PDE4D: variants seen among roughly 807,000 people sequenced by gnomAD.
PDE4D encodes the protein phosphodiesterase 4D.
PDE4D carries 24 observed loss-of-function variants against 87.4 expected under a neutral mutation model. The observed-to-expected ratio is 0.27, with a 90% CI of 0.20 to 0.39. PDE4D has a LOEUF of 0.39. PDE4D is among the 10% of genes least tolerant of loss of function. PDE4D has a pLI of 1.00. For missense variants in PDE4D, 714 were observed against 1,041.0 expected, an observed-to-expected ratio of 0.69 and a Z score of 4.32; for synonymous variants, 384 against 383.2, an observed-to-expected ratio of 1.00 and a Z score of -0.02.
At chr5:59,232,524 AAT>A (rs1491085142) in intron 1 of PDE4D, among the ~76,000 whole-genome samples, 1 of 151,684 alleles carries the variant, frequency 6.6e-6, no homozygotes, top group Non-Finnish European at 1.5e-5. Context: ...AAAAAAAAAA[AAT>A]AGATGCTGGT....
At chr5:60,450,345 C>A (rs1746002064) in intron 1 of PDE4D, among the ~76,000 whole-genome samples, 1 of 151,844 alleles carries the variant, frequency 6.6e-6, no homozygotes, top group Non-Finnish European at 1.5e-5. Context: ...GTGGTTTTGC[C>A]CCAATCTGAC....
chr5:59,735,103 G>T (rs755178434), intron 1 of PDE4D, among the ~76,000 whole-genome samples: 87 of 152,176 alleles, frequency 5.7e-4, no homozygotes, highest in Non-Finnish European at 9.4e-4. Flanking sequence ...CTTCAGTTGG[G>T]CCTGTCTCCT....
At chr5:60,428,157 A>G (rs981000875) in intron 1 of PDE4D, among the ~76,000 whole-genome samples, 1 of 152,234 alleles carries the variant, frequency 6.6e-6, no homozygotes. Flanking sequence ...TCAAATGTTA[A>G]GTGTGAAATG....
At chr5:59,132,240 T>C (rs1030848365) in intron 5 of PDE4D, among the ~76,000 whole-genome samples, 1 of 152,230 alleles carries the variant, frequency 6.6e-6, no homozygotes. Context: ...AATTAACTTT[T>C]CTTTGCACAT....
Position 59,398,556 on chromosome 5 carries a change from A to C in PDE4D, c.456-182588T>G, listed in dbSNP as rs1789949850. On this transcript the variant is annotated intron_variant, in intron 1 of 14. Coordinates refer to ENST00000340635, the MANE Select transcript of PDE4D (RefSeq NM_001104631.2). ...CCCTACATGCTAAAAACTCTCAATA[A>C]ATTAGGTATTGATGGGACATATTTC... Among the ~76,000 whole-genome samples, 3 of 120,044 alleles carry C rather than the reference A, an allele frequency of 2.5e-5. 1 individual carries two copies. The allele number at this position is 120,044 out of a possible 152,430, so 78.8% of individuals were successfully genotyped here.
At position 58,971,450 on chromosome 5, in the gene PDE4D, A is replaced by T. The variant is rs188938118; in HGVS notation, c.*3214T>A. ...ACAGATAATTTACAATTAACATTAC[A>T]GTATGTACATTGCAATAAATACATG... On this transcript the variant is annotated 3_prime_UTR_variant, in exon 15 of 15. Coordinates refer to ENST00000340635, the MANE Select transcript of PDE4D (RefSeq NM_001104631.2). 459 of 152,722 alleles carry T rather than the reference A, an allele frequency of 3.0e-3. 2 individuals are homozygous for T. The highest frequency in any genetic ancestry group is 0.017 in the South Asian group (83 of 4,814). 9.5% of individuals were successfully genotyped at this position (152,722 alleles called of 1,614,324 possible). A position where few individuals can be genotyped will look rare whatever the true frequency, so the allele number is the denominator to read the frequency against.
rs1330554578 is a variant in PDE4D at position 59,500,377 on chromosome 5, T to A, written c.456-284409A>T. ...ACCCATATGCCCACCAATGGTGGGC[T>A]GGATAAAGAAAATGTGCTACATATA... On this transcript the variant is annotated intron_variant, in intron 1 of 14. Transcript: ENST00000340635. Among the ~76,000 whole-genome samples the A allele has an allele frequency of 3.3e-5, 5 of 152,126 alleles. No homozygotes were observed. In the East Asian group the frequency reaches 9.6e-4, roughly 29 times the overall value.
At chr5:59,645,459 G>A (rs905765580) in intron 1 of PDE4D, among the ~76,000 whole-genome samples, 1 of 152,126 alleles carries the variant, frequency 6.6e-6, no homozygotes, top group Non-Finnish European at 1.5e-5. Context: ...GTGACTGTGG[G>A]CCATTTTGGG....
intron 1 of PDE4D, among the ~76,000 whole-genome samples, chr5:60,504,257 T>A (rs6449472): frequency 0.095 from 12,121 of 127,132 alleles, 1,403 homozygotes; most frequent in African/African-American, 0.29. Context: ...AATATGTCTT[T>A]ATGCATTTTT....
intron 1 of PDE4D, among the ~76,000 whole-genome samples, chr5:59,496,154 G>T (rs1423852993): frequency 6.6e-6 from 1 of 152,068 alleles, no homozygotes. Flanking sequence ...TCAGCAGCCC[G>T]GGCTCTCCTA....
intron 6 of PDE4D, among the ~76,000 whole-genome samples, chr5:59,029,164 G>A (rs1276159832): frequency 6.6e-5 from 10 of 151,778 alleles, no homozygotes; most frequent in Admixed American, 5.9e-4. Flanking sequence ...TGTAATCCCA[G>A]CACTTTGGGA....
At chr5:60,403,041 T>A (rs1464368612) in intron 1 of PDE4D, among the ~76,000 whole-genome samples, 3 of 152,068 alleles carry the variant, frequency 2.0e-5, no homozygotes, top group African/African-American at 7.2e-5. Flanking sequence ...AGTCTAATCC[T>A]CCATTTAATT....
At chr5:60,422,741 C>T (rs994950877) in intron 1 of PDE4D, among the ~76,000 whole-genome samples, 1 of 152,144 alleles carries the variant, frequency 6.6e-6, no homozygotes, top group East Asian at 1.9e-4. Flanking sequence ...TTAAAAGACA[C>T]AGACTGGCAA....
chr5:59,617,022 A>G (rs911239880), intron 1 of PDE4D, among the ~76,000 whole-genome samples: 1 of 146,960 alleles, frequency 6.8e-6, no homozygotes. Context: ...CTTTTAAATT[A>G]TGCATCAGAT....
intron 1 of PDE4D, among the ~76,000 whole-genome samples, chr5:59,765,202 G>A (rs114032575): frequency 8.5e-4 from 129 of 152,288 alleles, no homozygotes; most frequent in Admixed American, 1.5e-3. Context: ...ATCCATGGAT[G>A]ATAGTTGCAG....
intron 6 of PDE4D, among the ~76,000 whole-genome samples, chr5:59,032,872 A>G (rs984195021): frequency 6.6e-6 from 1 of 152,192 alleles, no homozygotes; most frequent in Non-Finnish European, 1.5e-5. Context: ...TAAATGAAAA[A>G]ACTGAGCTCC....
At chr5:59,351,946 C>A (rs1269575997) in intron 1 of PDE4D, among the ~76,000 whole-genome samples, 1 of 152,056 alleles carries the variant, frequency 6.6e-6, no homozygotes, top group Non-Finnish European at 1.5e-5. Context: ...ATAATAGGAT[C>A]TGGTGAGGAA....
intron 1 of PDE4D, among the ~76,000 whole-genome samples, chr5:59,742,632 T>TC (rs1273267317): frequency 1.3e-5 from 2 of 152,208 alleles, no homozygotes; most frequent in Non-Finnish European, 2.9e-5. Context: ...GGGTTTTCTA[T>TC]TTTCATACCA....
intron 2 of PDE4D, among the ~76,000 whole-genome samples, chr5:60,132,253 T>G (rs1300266907): frequency 6.6e-6 from 1 of 152,210 alleles, no homozygotes; most frequent in Non-Finnish European, 1.5e-5. Flanking sequence ...AAAGCATTCA[T>G]TTTAGAAAAG....
Sources: allele counts gnomAD v4.1 joint callset (sites outside exome capture counted in the v4.1 genomes callset), GRCh38; gene constraint gnomAD v4.1.1; transcripts MANE v1.5; gene names NCBI Gene and HGNC (gene_info 2026-07-23, HGNC 2026-07-21).